Variants in ZNG1E observed in about 807,000 individuals in gnomAD.
ZNG1E encodes zinc-regulated GTPase metalloprotein activator 1E.
At chr9:65,664,505 C>T in the ZNG1E span, among the ~76,000 whole-genome samples, 1 of 83,812 alleles carries the variant, frequency 1.2e-5, no homozygotes, top group East Asian at 2.5e-4. Context: ...ATTGTGAGGC[C>T]TCCCCAGCCA....
At chr9:65,676,624 C>T in the ZNG1E span, among the ~76,000 whole-genome samples, 2 of 151,762 alleles carry the variant, frequency 1.3e-5, no homozygotes, top group South Asian at 2.1e-4. Context: ...GCAGGAAGTG[C>T]TCCTATCTTA....
At chr9:65,725,747 AC>A in the ZNG1E span, among the ~76,000 whole-genome samples, 11 of 91,342 alleles carry the variant, frequency 1.2e-4, no homozygotes, top group Non-Finnish European at 4.2e-5. Flanking sequence ...TTCAATTTGA[AC>A]CTTTTTTTAG....
At chr9:65,732,756 T>G in the ZNG1E span, 1 of 1,394,690 alleles carries the variant, frequency 7.2e-7, no homozygotes, top group Non-Finnish European at 9.3e-7. Flanking sequence ...AACTTTATCA[T>G]TAGAAAAGGG....
At chr9:65,707,670 TTA>T in the ZNG1E span, 1 of 79,976 alleles carries the variant, frequency 1.3e-5, no homozygotes, top group Non-Finnish European at 2.3e-5. Context: ...ATGTTTTTTC[TTA>T]TATGTTTGTG....
At chr9:65,691,569 A>T in the ZNG1E span, among the ~76,000 whole-genome samples, 1 of 152,256 alleles carries the variant, frequency 6.6e-6, no homozygotes, top group Non-Finnish European at 1.5e-5. Context: ...TAGTGCTTCC[A>T]CTAAGGTTTT....
the ZNG1E span, among the ~76,000 whole-genome samples, chr9:65,677,643 A>G: frequency 6.6e-6 from 1 of 152,244 alleles, no homozygotes. Context: ...AGCCTTAATG[A>G]TCTTTATAAA....
At chr9:65,681,306 G>T in the ZNG1E span, among the ~76,000 whole-genome samples, 5 of 152,220 alleles carry the variant, frequency 3.3e-5, no homozygotes, top group Non-Finnish European at 4.4e-5. Flanking sequence ...AGAAATGGGG[G>T]TGGCCAAGTA....
At chr9:65,731,166 AC>A in the ZNG1E span, among the ~76,000 whole-genome samples, 1 of 152,238 alleles carries the variant, frequency 6.6e-6, no homozygotes, top group African/African-American at 2.4e-5. Context: ...TATTTTTTTG[AC>A]CCTTATTTTC....
At chr9:65,668,392 G>A in the ZNG1E span, among the ~76,000 whole-genome samples, 3 of 141,526 alleles carry the variant, frequency 2.1e-5, no homozygotes, top group East Asian at 4.0e-4. Flanking sequence ...TGAGGTTAGT[G>A]AAAGATACTC....
the ZNG1E span, among the ~76,000 whole-genome samples, chr9:65,673,501 C>A: frequency 6.6e-6 from 1 of 151,716 alleles, no homozygotes; most frequent in Admixed American, 6.6e-5. Context: ...TTATTTTGCT[C>A]TCATTGAGGC....
At chr9:65,710,572 C>T in the ZNG1E span, among the ~76,000 whole-genome samples, 2,522 of 139,152 alleles carry the variant, frequency 0.018, 4 homozygotes, top group Admixed American at 0.03. Flanking sequence ...TTTCTACATA[C>T]GGCTAGCCAG....
the ZNG1E span, among the ~76,000 whole-genome samples, chr9:65,663,462 T>G: frequency 6.6e-6 from 1 of 150,586 alleles, no homozygotes; most frequent in East Asian, 1.9e-4. Context: ...TCTATCCAAC[T>G]TTTTCTTAGA....
the ZNG1E span, among the ~76,000 whole-genome samples, chr9:65,698,989 C>T: frequency 6.2e-5 from 9 of 145,600 alleles, no homozygotes; most frequent in South Asian, 2.1e-4. Context: ...CAGGTTCAAG[C>T]GATTCTCCTG....
the ZNG1E span, among the ~76,000 whole-genome samples, chr9:65,656,647 A>G: frequency 6.6e-6 from 1 of 152,288 alleles, no homozygotes; most frequent in African/African-American, 2.4e-5. Context: ...GGAAAAGGTA[A>G]ATAGAGAAAC....
the ZNG1E span, among the ~76,000 whole-genome samples, chr9:65,671,912 T>C: frequency 7.1e-6 from 1 of 140,780 alleles, no homozygotes; most frequent in Non-Finnish European, 1.5e-5. Context: ...ATTTCAAACT[T>C]GTAGACATTT....
At chr9:65,673,807 A>G in the ZNG1E span, among the ~76,000 whole-genome samples, 5 of 152,418 alleles carry the variant, frequency 3.3e-5, no homozygotes, top group Non-Finnish European at 7.3e-5. Context: ...CCTGTCTCAA[A>G]AAACAGAAAG....
chr9:65,667,333 A>G, the ZNG1E span, among the ~76,000 whole-genome samples: 771 of 152,042 alleles, frequency 5.1e-3, no homozygotes, highest in Non-Finnish European at 8.5e-3. Flanking sequence ...GCAATACACA[A>G]TCCAAAATAT....
chr9:65,659,326 C>T, the ZNG1E span, among the ~76,000 whole-genome samples: 1 of 149,954 alleles, frequency 6.7e-6, no homozygotes, highest in Non-Finnish European at 1.5e-5. Context: ...GAAACGCTGT[C>T]TCTACTAAAA....
At chr9:65,719,334 T>C in the ZNG1E span, 1 of 137,968 alleles carries the variant, frequency 7.2e-6, no homozygotes, top group Non-Finnish European at 1.5e-5. Flanking sequence ...CTGTTACTAA[T>C]TTACCCCTCA....
Sources: gnomAD v4.1 joint callset for allele counts (sites outside exome capture counted in the v4.1 genomes callset) on GRCh38, gnomAD v4.1.1 for gene constraint, MANE v1.5 for transcripts, NCBI Gene and HGNC (gene_info 2026-07-23, HGNC 2026-07-21) for gene names.